ZNF385D: variants seen among roughly 807,000 people sequenced by gnomAD.
The protein encoded by ZNF385D is zinc finger protein 385D, also known as zinc finger protein 659.
Under a neutral mutation model 35.8 loss-of-function variants are expected in ZNF385D, and 15 were observed. That is an observed-to-expected ratio of 0.42 (90% CI 0.28 to 0.64). The LOEUF (loss-of-function observed/expected upper bound fraction) is 0.64. Ranked by LOEUF, ZNF385D falls within the 30% of genes least tolerant of loss-of-function variation. ZNF385D has a pLI of 0.23. For synonymous variants in ZNF385D, 212 were observed against 186.8 expected, an observed-to-expected ratio of 1.13 and a Z score of -1.10; for missense variants, 474 against 494.6, an observed-to-expected ratio of 0.96 and a Z score of 0.39.
intron 3 of ZNF385D, among the ~76,000 whole-genome samples, chr3:21,922,831 A>T (rs963302429): frequency 3.9e-5 from 6 of 152,102 alleles, no homozygotes; most frequent in African/African-American, 1.4e-4. Context: ...CAAAAGAAAT[A>T]ATCAATAAAT....
intron 2 of ZNF385D, among the ~76,000 whole-genome samples, chr3:22,197,554 T>C (rs182257494): frequency 6.8e-4 from 104 of 152,214 alleles, no homozygotes; most frequent in Non-Finnish European, 1.2e-3. Flanking sequence ...GTTTGCCTCT[T>C]CCAGGGAATG....
intron 2 of ZNF385D, among the ~76,000 whole-genome samples, chr3:22,169,610 T>G (rs1706553374): frequency 6.6e-6 from 1 of 152,204 alleles, no homozygotes. Flanking sequence ...ATTTTATATT[T>G]TATACCTGAC....
intron 3 of ZNF385D, among the ~76,000 whole-genome samples, chr3:21,865,363 G>C (rs543326638): frequency 4.3e-4 from 65 of 151,290 alleles, no homozygotes; most frequent in African/African-American, 1.2e-3. Context: ...GTTTGCTTTT[G>C]CATCATTCGT....
chr3:22,202,573 C>A lies in ZNF385D; in HGVS notation c.107-33538G>T, dbSNP rs181809285. Among the ~76,000 whole-genome samples, 76 of 152,184 alleles carry A rather than the reference C, an allele frequency of 5.0e-4. 1 individual carries two copies. Among genetic ancestry groups the A allele is most frequent in the African/African-American group, 1.8e-3 (74 of 41,550 alleles). On this transcript the variant is annotated intron_variant, in intron 2 of 5. Coordinates refer to the ZNF385D transcript ENST00000494108. ...AACAACTTTCTGTACCAAAAAGCAC[C>A]TTCATGAGAACCAAAAATCAGGTAA... is the stretch of plus-strand genomic sequence containing the variant.
At chr3:22,121,947 T>C (rs1703110230) in intron 3 of ZNF385D, among the ~76,000 whole-genome samples, 1 of 152,114 alleles carries the variant, frequency 6.6e-6, no homozygotes, top group Non-Finnish European at 1.5e-5. Context: ...ACAGATCAAG[T>C]CTGGAGACCC....
At chr3:21,837,868 C>A in intron 3 of ZNF385D, among the ~76,000 whole-genome samples, 1 of 23,748 alleles carries the variant, frequency 4.2e-5, no homozygotes, top group Admixed American at 3.2e-4. Flanking sequence ...GAGACTCCAT[C>A]TCAAAAAAAA....
At chr3:21,453,667 T>C (rs2125287781) in intron 4 of ZNF385D, among the ~76,000 whole-genome samples, 1 of 152,082 alleles carries the variant, frequency 6.6e-6, no homozygotes, top group East Asian at 1.9e-4. Flanking sequence ...ACCACTAGGA[T>C]GGCTATAATA....
chr3:22,195,038 C>A (rs1696316417), intron 2 of ZNF385D, among the ~76,000 whole-genome samples: 2 of 151,728 alleles, frequency 1.3e-5, no homozygotes, highest in Admixed American at 1.3e-4. Flanking sequence ...TTATAAGAAA[C>A]TGCAAATTAT....
chr3:21,617,360 T>C (rs1356665475), intron 2 of ZNF385D, among the ~76,000 whole-genome samples: 1 of 152,240 alleles, frequency 6.6e-6, no homozygotes, highest in Non-Finnish European at 1.5e-5. Flanking sequence ...GTCGTAGCTC[T>C]GTTATTCACT....
chr3:21,779,198 A>G (rs1379562177), intron 3 of ZNF385D, among the ~76,000 whole-genome samples: 1 of 151,968 alleles, frequency 6.6e-6, no homozygotes, highest in African/African-American at 2.4e-5. Context: ...AGTGTCATTA[A>G]GACCACTGGG....
intron 6 of ZNF385D, 84 bp downstream of exon 6, chr3:21,425,408 G>T: frequency 7.2e-7 from 1 of 1,385,024 alleles, no homozygotes; most frequent in Non-Finnish European, 9.6e-7. Context: ...CAGAAAGACA[G>T]AAATAAAAAG....
At chr3:21,990,649 AATAT>A (rs1454442000) in intron 3 of ZNF385D, among the ~76,000 whole-genome samples, 1 of 152,220 alleles carries the variant, frequency 6.6e-6, no homozygotes, top group Non-Finnish European at 1.5e-5. Flanking sequence ...GGGATACTAG[AATAT>A]ATAAAGTTAT....
intron 2 of ZNF385D, among the ~76,000 whole-genome samples, chr3:21,635,559 GTTT>G (rs869228288): frequency 1.1e-5 from 1 of 91,422 alleles, no homozygotes; most frequent in Non-Finnish European, 2.6e-5. Context: ...TTGTTTGTTT[GTTT>G]TGTTGTTGTT....
At chr3:22,269,028 G>A (rs1701039657) in intron 2 of ZNF385D, among the ~76,000 whole-genome samples, 1 of 151,862 alleles carries the variant, frequency 6.6e-6, no homozygotes, top group African/African-American at 2.4e-5. Flanking sequence ...GGTCTATCAG[G>A]AGGAGAAAAG....
intron 3 of ZNF385D, among the ~76,000 whole-genome samples, chr3:22,140,501 G>A (rs1437982738): frequency 1.3e-5 from 2 of 152,250 alleles, no homozygotes; most frequent in African/African-American, 2.4e-5. Flanking sequence ...ATGTATCTAT[G>A]TGATAAAATT....
intron 3 of ZNF385D, among the ~76,000 whole-genome samples, chr3:21,759,943 A>C (rs1354445233): frequency 6.6e-6 from 1 of 152,206 alleles, no homozygotes; most frequent in Non-Finnish European, 1.5e-5. Context: ...AAGAATTCAC[A>C]AAGTAATTGA....
At chr3:21,778,963 G>A (rs1246912176) in intron 3 of ZNF385D, among the ~76,000 whole-genome samples, 1 of 151,972 alleles carries the variant, frequency 6.6e-6, no homozygotes, top group Admixed American at 6.6e-5. Context: ...TGTTACAGCA[G>A]TGAGAACTAA....
chr3:22,321,164 G>GTTTTTTTTT, intron 2 of ZNF385D, among the ~76,000 whole-genome samples: 55 of 76,110 alleles, frequency 7.2e-4, no homozygotes, highest in East Asian at 1.9e-3. Flanking sequence ...TTATGACCTT[G>GTTTTTTTTT]TTTTTTTTTT....
intron 2 of ZNF385D, among the ~76,000 whole-genome samples, chr3:22,249,336 A>G (rs1414780739): frequency 2.6e-5 from 4 of 152,286 alleles, no homozygotes; most frequent in African/African-American, 9.6e-5. Flanking sequence ...TCTTGATCAT[A>G]GTAGGCACTT....
Sources: gnomAD v4.1 joint callset for allele counts (sites outside exome capture counted in the v4.1 genomes callset) on GRCh38, gnomAD v4.1.1 for gene constraint, MANE v1.5 for transcripts, NCBI Gene and HGNC (gene_info 2026-07-23, HGNC 2026-07-21) for gene names.